The following WWOX variants were observed in gnomAD, a reference collection of about 807,000 sequenced individuals.
WWOX encodes the protein WW domain-containing oxidoreductase.
WWOX carries 69 observed loss-of-function variants against 46.2 expected under a neutral mutation model. That is an observed-to-expected ratio of 1.49 (90% CI 1.23 to 1.82). The LOEUF is 1.82. WWOX is among the 40% of genes most tolerant of loss of function. The pLI, the probability that WWOX is intolerant of heterozygous loss-of-function variation, is 0.00. For missense variants in WWOX, 919 were observed against 542.6 expected (o/e 1.69, Z -6.89); for synonymous variants, 359 against 202.6 (o/e 1.77, Z -6.56).
chr16:78,930,253 T>TCCTTCCTC (rs2045592200), intron 8 of WWOX, among the ~76,000 whole-genome samples: 1 of 126,330 alleles, frequency 7.9e-6, no homozygotes, highest in Non-Finnish European at 1.7e-5. Context: ...CTTCCTTCCT[T>TCCTTCCTC]CCTTCCTTCC....
At chr16:78,676,808 A>T (rs1207656555) in intron 8 of WWOX, among the ~76,000 whole-genome samples, 1 of 152,182 alleles carries the variant, frequency 6.6e-6, no homozygotes, top group African/African-American at 2.4e-5. Context: ...ATACTGATGA[A>T]CTTTACCTTG....
chr16:78,372,574 C>G (rs1242693988), intron 5 of WWOX, among the ~76,000 whole-genome samples: 1 of 152,164 alleles, frequency 6.6e-6, no homozygotes, highest in Non-Finnish European at 1.5e-5. Context: ...TGTCCATTAT[C>G]CTCCATGGTC....
chr16:78,682,596 AGG>A (rs1172158231), intron 8 of WWOX, among the ~76,000 whole-genome samples: 1 of 152,172 alleles, frequency 6.6e-6, no homozygotes, highest in Non-Finnish European at 1.5e-5. Context: ...AGATACAAGA[AGG>A]CCACATGTGG....
At chr16:79,101,829 G>C (rs1420373002) in intron 8 of WWOX, 1 of 151,010 alleles carries the variant, frequency 6.6e-6, no homozygotes, top group Non-Finnish European at 1.5e-5. Context: ...GTACATAAGA[G>C]AAACGTGTTT....
chr16:78,604,276 C>T (rs2738550), intron 8 of WWOX, among the ~76,000 whole-genome samples: 2 of 152,086 alleles, frequency 1.3e-5, no homozygotes, highest in South Asian at 2.1e-4. Context: ...TTTTCTCTAC[C>T]ACACCAATGC....
rs144032986 is a variant in WWOX at position 78,219,990 on chromosome 16, G to T, written c.516+55701G>T. Among the ~76,000 whole-genome samples, 560 of 152,284 alleles carry T rather than the reference G, an allele frequency of 3.7e-3. 2 individuals carry two copies. The highest frequency in any genetic ancestry group is 0.013 in the African/African-American group (539 of 41,560). On this transcript the variant is annotated intron_variant, in intron 5 of 8. Coordinates refer to ENST00000566780, the MANE Select transcript of WWOX (RefSeq NM_016373.4). The stretch of plus-strand genomic sequence containing the variant: ...ATAATACTCTTTTAAAGTGTCTCCT[G>T]AATCATTACCAGTATAATTATTCTG...
intron 8 of WWOX, among the ~76,000 whole-genome samples, chr16:78,805,757 T>C (rs1023434192): frequency 6.6e-6 from 1 of 152,252 alleles, no homozygotes; most frequent in Non-Finnish European, 1.5e-5. Context: ...TTTATACGGC[T>C]ATATCTCCAT....
chr16:78,404,553 G>A (rs1166024588), intron 6 of WWOX, among the ~76,000 whole-genome samples: 1 of 152,024 alleles, frequency 6.6e-6, no homozygotes, highest in Non-Finnish European at 1.5e-5. Context: ...TGTGGAGTTC[G>A]CTAAATTCTA....
At chr16:79,059,682 G>A (rs769149866) in intron 8 of WWOX, among the ~76,000 whole-genome samples, 3 of 152,110 alleles carry the variant, frequency 2.0e-5, no homozygotes, top group African/African-American at 7.2e-5. Flanking sequence ...TTTTAGTAGA[G>A]ATGGGGTTTC....
At chr16:78,815,373 C>T (rs1480259348) in intron 8 of WWOX, among the ~76,000 whole-genome samples, 2 of 151,952 alleles carry the variant, frequency 1.3e-5, no homozygotes, top group African/African-American at 2.4e-5. Flanking sequence ...CTGACAAGGG[C>T]AGGAGCTGTT....
intron 8 of WWOX, chr16:78,780,564 A>C (rs2050300617): frequency 6.6e-6 from 1 of 152,240 alleles, no homozygotes; most frequent in South Asian, 2.1e-4. Context: ...GGAGTTAAAG[A>C]AATTAAACTG....
At chr16:78,247,993 G>A (rs955201715) in intron 5 of WWOX, among the ~76,000 whole-genome samples, 21 of 152,206 alleles carry the variant, frequency 1.4e-4, no homozygotes, top group Non-Finnish European at 1.5e-4. Flanking sequence ...CATCAGCTAT[G>A]CAACATAATG....
At chr16:78,456,163 G>A (rs142832113) in intron 8 of WWOX, among the ~76,000 whole-genome samples, 11 of 152,318 alleles carry the variant, frequency 7.2e-5, no homozygotes, top group African/African-American at 2.2e-4. Context: ...CACAGCCTCT[G>A]TTGGCCCCAG....
At chr16:79,172,819 A>G (rs2050726455) in intron 8 of WWOX, among the ~76,000 whole-genome samples, 1 of 151,928 alleles carries the variant, frequency 6.6e-6, no homozygotes, top group Admixed American at 6.6e-5. Context: ...TGAGCCTAGA[A>G]GTTTGAGACC....
chr16:78,320,099 C>A (rs1339930001), intron 5 of WWOX, among the ~76,000 whole-genome samples: 2 of 152,154 alleles, frequency 1.3e-5, no homozygotes, highest in Non-Finnish European at 2.9e-5. Flanking sequence ...CTGGAAACTG[C>A]ATGAGGGCAA....
At chr16:78,619,409 C>G (rs1057194800) in intron 8 of WWOX, among the ~76,000 whole-genome samples, 18 of 145,686 alleles carry the variant, frequency 1.2e-4, no homozygotes, top group African/African-American at 4.1e-4. Flanking sequence ...GGCACACACT[C>G]CAGGTGTATA....
intron 8 of WWOX, among the ~76,000 whole-genome samples, chr16:78,637,815 C>G (rs899399175): frequency 6.6e-6 from 1 of 152,070 alleles, no homozygotes; most frequent in Admixed American, 6.5e-5. Flanking sequence ...TTGTCCCAGG[C>G]CAGGGCCTAT....
chr16:78,310,587 C>T (rs925297757), intron 5 of WWOX, among the ~76,000 whole-genome samples: 6 of 152,184 alleles, frequency 3.9e-5, no homozygotes, highest in Admixed American at 2.0e-4. Flanking sequence ...GGTGCTTCTG[C>T]ATGCAAAGGG....
At chr16:79,013,461 G>T (rs531787639) in intron 8 of WWOX, among the ~76,000 whole-genome samples, 4 of 151,866 alleles carry the variant, frequency 2.6e-5, no homozygotes, top group Non-Finnish European at 4.4e-5. Flanking sequence ...CTCTTTTTCT[G>T]TGTGCTCTTC....
Sources: gnomAD v4.1 joint callset for allele counts (sites outside exome capture counted in the v4.1 genomes callset) on GRCh38, gnomAD v4.1.1 for gene constraint, MANE v1.5 for transcripts, NCBI Gene and HGNC (gene_info 2026-07-23, HGNC 2026-07-21) for gene names.